ZBTB1: variants seen among roughly 807,000 people sequenced by gnomAD.
ZBTB1 encodes the protein zinc finger and BTB domain containing 1.
In ZBTB1, 13 loss-of-function variants were observed where a neutral mutation model predicts 51.6. That is an observed-to-expected ratio of 0.25 (90% confidence interval 0.16 to 0.40). The LOEUF is 0.40. Among genes scored for constraint, ZBTB1 ranks in the 10% least tolerant of loss-of-function variants. The pLI is 1.00. For synonymous variants in ZBTB1, 240 were observed against 282.2 expected (o/e 0.85, Z 1.50); for missense variants, 567 against 856.5 (o/e 0.66, Z 4.22).
Position 64,524,532 on chromosome 14 carries a change from A to G in ZBTB1, c.*886A>G, listed in dbSNP as rs192672878. 3.2e-5 allele frequency: 31 copies of G among 980,250 alleles called. No homozygotes were observed. In the East Asian group the frequency reaches 2.8e-3, roughly 90 times the overall value. 60.7% of individuals were successfully genotyped at this position (980,250 alleles called of 1,614,324 possible). A position where few individuals can be genotyped will look rare whatever the true frequency, so the allele number is the denominator to read the frequency against. On this transcript the variant is annotated 3_prime_UTR_variant, in exon 2 of 2. Coordinates refer to ENST00000683701, the MANE Select transcript of ZBTB1 (RefSeq NM_001123329.2). ...TAGACTTTAATAGCTCTCTAAGAAT[A>G]TGACCTCTAAAGGAAAAGATGATTT...
downstream of ZBTB1, among the ~76,000 whole-genome samples, chr14:64,526,113 C>T (rs569683740): frequency 7.9e-5 from 12 of 152,086 alleles, no homozygotes; most frequent in Non-Finnish European, 1.6e-4. Context: ...CCACCGTGCC[C>T]GGCCACCTCA....
At chr14:64,524,999 A>G (rs2079893696), downstream of ZBTB1, 1 of 920,442 alleles carries the variant, frequency 1.1e-6, no homozygotes, top group Non-Finnish European at 1.3e-6. Context: ...TTTCATAATG[A>G]AAGGGATTTT....
At chr14:64,531,632 G>T (rs2079942559) in intron 2 of ZBTB1, among the ~76,000 whole-genome samples, 1 of 152,076 alleles carries the variant, frequency 6.6e-6, no homozygotes, top group Non-Finnish European at 1.5e-5. Flanking sequence ...ATGTCCTGCT[G>T]ATAGATTAAT....
chr14:64,520,033 G>T (rs919687189), intron 1 of ZBTB1, among the ~76,000 whole-genome samples: 1 of 151,890 alleles, frequency 6.6e-6, no homozygotes, highest in Non-Finnish European at 1.5e-5. Flanking sequence ...ACGGAGTCTC[G>T]CTCTGTCGCC....
chr14:64,529,725 T>G (rs1247947518), downstream of ZBTB1, among the ~76,000 whole-genome samples: 5 of 152,272 alleles, frequency 3.3e-5, no homozygotes, highest in East Asian at 9.7e-4. Context: ...GAGCCGTGGT[T>G]GTGTCACTGC....
At position 64,521,615 on chromosome 14, in the gene ZBTB1, A is replaced by G. The variant is rs1036981099; in HGVS notation, c.111A>G (p.Ala37=). The G allele has an allele frequency of 3.7e-6, 6 of 1,614,130 alleles. No homozygotes were observed. The African/African-American group carries it at 8.0e-5, about 22-fold the overall frequency. Residue 37 remains alanine, a synonymous_variant, in exon 2 of 2, where the codon GCA becomes GCG. Coordinates refer to ENST00000683701, the MANE Select transcript of ZBTB1 (RefSeq NM_001123329.2). ...CAATTGATGACATTTACTTTCAAGC[A>G]CACAAGGCAGTTCTAGCTGCCTGTA... ...CIAIDDIYFQ[A]HKAVLAACSS...
chr14:64,516,834 G>A (rs2079791648), intron 1 of ZBTB1: 1 of 152,188 alleles, frequency 6.6e-6, no homozygotes, highest in East Asian at 1.9e-4. Context: ...AGTGTTTTAT[G>A]TTAATAAAAG....
chr14:64,513,996 G>C (rs2079753888), intron 1 of ZBTB1, among the ~76,000 whole-genome samples: 1 of 152,060 alleles, frequency 6.6e-6, no homozygotes, highest in Non-Finnish European at 1.5e-5. Context: ...TTGTTTCTTG[G>C]TTTCAAATTT....
At chr14:64,515,454 A>G (rs368078682) in intron 1 of ZBTB1, among the ~76,000 whole-genome samples, 37 of 152,198 alleles carry the variant, frequency 2.4e-4, no homozygotes, top group Non-Finnish European at 5.1e-4. Flanking sequence ...CAAAAAAATG[A>G]AAAAAGAGCA....
In ZBTB1 at chr14:64,521,723, A is replaced by G; in HGVS notation, c.219A>G (p.Glu73=). Residue 73 remains glutamate (E), a synonymous_variant, in exon 2 of 2, where the codon GAA becomes GAG. Coordinates refer to ENST00000683701, the MANE Select transcript of ZBTB1 (RefSeq NM_001123329.2). ...LNLSNMKISA[E]CFDLILQFMY... is the part of the protein sequence containing the mutation. ...TCAGCAACATGAAAATTAGTGCAGA[A>G]TGTTTTGATCTCATTTTGCAGTTTA... 1 of 1,613,990 alleles carries G rather than the reference A, an allele frequency of 6.2e-7. No homozygotes were observed. The highest frequency in any genetic ancestry group is 8.5e-7 in the Non-Finnish European group (1 of 1,180,052).
chr14:64,531,721 T>A, intron 2 of ZBTB1: 1 of 875,504 alleles, frequency 1.1e-6, no homozygotes, highest in East Asian at 2.7e-5. Flanking sequence ...ATGCTTGTGT[T>A]TCTATTCTCT....
At chr14:64,507,485 A>G (rs1453007) in intron 1 of ZBTB1, among the ~76,000 whole-genome samples, 34,885 of 152,140 alleles carry the variant, frequency 0.23, 4,660 homozygotes, top group Non-Finnish European at 0.31. Flanking sequence ...GATAATCACC[A>G]TGTACAGTTA....
In ZBTB1 at chr14:64,522,617, A is replaced by G; in HGVS notation, c.1113A>G (p.Arg371=). The change falls in exon 2 of 2, where the codon AGA becomes AGG. Residue 371 remains arginine, a synonymous_variant. Coordinates refer to ENST00000683701, the MANE Select transcript of ZBTB1 (RefSeq NM_001123329.2). The part of the protein sequence containing the change: ...LEDEPEEPFY[R]YYVEEDVSIK... ...ATGAACCTGAAGAGCCATTTTATAG[A>G]TACTATGTTGAAGAAGATGTCAGCA... is the stretch of plus-strand genomic sequence containing the variant. 1.2e-6 allele frequency: 2 copies of G among 1,614,212 alleles called. No individual in the cohort carries two copies. Among genetic ancestry groups the G allele is most frequent in the South Asian group, 2.2e-5 (2 of 91,076 alleles).
intron 1 of ZBTB1, among the ~76,000 whole-genome samples, chr14:64,514,807 T>C (rs10133243): frequency 0.17 from 26,331 of 152,106 alleles, 2,601 homozygotes; most frequent in Non-Finnish European, 0.22. Flanking sequence ...CCATACTGTA[T>C]AGTACCAAGG....
rs2140171241 is a variant in ZBTB1, at chr14:64,522,232, T to A, written c.728T>A (p.Leu243Ter). The A allele has an allele frequency of 6.2e-7, 1 of 1,614,202 alleles. No individual in the cohort carries two copies. The highest frequency in any genetic ancestry group is 1.1e-5 in the South Asian group (1 of 91,082). ...GTGCTAACCTGTACTAACAGACATT[T>A]ATACCAAAACACAAGATCTTACCAT... is the stretch of plus-strand genomic sequence containing the variant. ...EHVLTCTNRH[L>*]YQNTRSYHRI... Residue 243 changes from leucine to a stop codon, truncating the protein, a stop_gained, in exon 2 of 2, where the codon TTA (leucine) becomes TAA (stop). Transcript: ENST00000683701. LOFTEE classifies it high-confidence loss of function.
chr14:64,525,102 C>A (rs2079894418), downstream of ZBTB1, among the ~76,000 whole-genome samples: 1 of 152,142 alleles, frequency 6.6e-6, no homozygotes, highest in African/African-American at 2.4e-5. Context: ...ATATGCAAAT[C>A]ATATTTTGTA....
At chr14:64,517,455 G>T (rs948810592) in intron 1 of ZBTB1, among the ~76,000 whole-genome samples, 4 of 151,996 alleles carry the variant, frequency 2.6e-5, no homozygotes, top group Non-Finnish European at 5.9e-5. Context: ...CTTATTAATA[G>T]AAAGTTTGGT....
In ZBTB1 at chr14:64,522,505, T is replaced by C. The variant is rs17854664; in HGVS notation, c.1001T>C (p.Ile334Thr). Residue 334 changes from isoleucine to threonine, a missense_variant, in exon 2 of 2, where the codon ATT becomes ACT. Physicochemically the swap from Ile to Thr is moderately conservative, Grantham distance 89. Transcript: ENST00000683701. ...ATTATTAAGATGGAGCCAGAAGATA[T>C]TCCTACAGATGAACTGAAAGACTTT... ...RIIIKMEPED[I>T]PTDELKDFNI... The C allele has an allele frequency of 6.2e-7, 1 of 1,614,112 alleles. No homozygotes were observed. Among genetic ancestry groups the C allele is most frequent in the Non-Finnish European group, 8.5e-7 (1 of 1,180,008 alleles).
chr14:64,525,408 C>T (rs558413877), downstream of ZBTB1, among the ~76,000 whole-genome samples: 1 of 152,226 alleles, frequency 6.6e-6, no homozygotes, highest in South Asian at 2.1e-4. Flanking sequence ...AATTTGAAAT[C>T]CAACTTAAAA....
Sources: gnomAD v4.1 joint callset for allele counts (sites outside exome capture counted in the v4.1 genomes callset) on GRCh38, gnomAD v4.1.1 for gene constraint, MANE v1.5 for transcripts, NCBI Gene and HGNC (gene_info 2026-07-23, HGNC 2026-07-21) for gene names.